Variants in NOS1AP observed in about 807,000 individuals in gnomAD.
NOS1AP encodes the protein nitric oxide synthase 1 adaptor protein, also known as carboxyl-terminal PDZ ligand of neuronal nitric oxide synthase protein.
Under a neutral mutation model 56.2 loss-of-function variants are expected in NOS1AP, and 21 were observed. The observed-to-expected ratio is 0.37, with a 90% CI of 0.26 to 0.54. NOS1AP has a LOEUF of 0.54. Ranked by LOEUF, NOS1AP falls within the 20% of genes least tolerant of loss-of-function variation. The probability of loss-of-function intolerance (pLI) is 0.84; values close to 1 mark genes in which losing one functional copy is unlikely to be tolerated. For missense variants in NOS1AP, 522 were observed against 657.8 expected (o/e 0.79, Z 2.26); for synonymous variants, 270 against 274.6 (o/e 0.98, Z 0.17).
Position 162,142,004 on chromosome 1 carries a change from G to A in NOS1AP, c.106-12401G>A, listed in dbSNP as rs540746074. Among the ~76,000 whole-genome samples, 567 of 152,194 alleles carry A rather than the reference G, an allele frequency of 3.7e-3. 12 individuals carry two copies. The highest frequency in any genetic ancestry group is 2.6e-3 in the Non-Finnish European group (174 of 68,016). ...TATCATTTGTCCATTCATTTGTTTG[G>A]TGGGCCAAGCTTTGTACTGGGCGCT... On this transcript the variant is annotated intron_variant, in intron 1 of 9. Coordinates refer to ENST00000361897, the MANE Select transcript of NOS1AP (RefSeq NM_014697.3).
At chr1:162,302,404 G>A (rs991650687) in intron 4 of NOS1AP, among the ~76,000 whole-genome samples, 12 of 152,162 alleles carry the variant, frequency 7.9e-5, no homozygotes, top group Non-Finnish European at 1.2e-4. Context: ...GATGAGAAAA[G>A]GCTTTAAGAA....
At chr1:162,146,040 C>T (rs191950318) in intron 1 of NOS1AP, among the ~76,000 whole-genome samples, 1 of 152,146 alleles carries the variant, frequency 6.6e-6, no homozygotes, top group Non-Finnish European at 1.5e-5. Context: ...ATGTTGTATC[C>T]TGTGTGCTGA....
intron 4 of NOS1AP, among the ~76,000 whole-genome samples, chr1:162,306,386 C>T (rs1442534347): frequency 1.3e-5 from 2 of 152,156 alleles, no homozygotes; most frequent in Non-Finnish European, 2.9e-5. Context: ...CAAAACAACT[C>T]CCTGGCACCT....
intron 4 of NOS1AP, among the ~76,000 whole-genome samples, chr1:162,312,724 G>A (rs536890895): frequency 7.9e-5 from 12 of 152,154 alleles, no homozygotes; most frequent in East Asian, 5.8e-4. Flanking sequence ...TAGGTCTAAC[G>A]TTTAAGATAA....
intron 3 of NOS1AP, among the ~76,000 whole-genome samples, chr1:162,300,169 C>A (rs530742447): frequency 2.6e-5 from 4 of 152,326 alleles, no homozygotes; most frequent in African/African-American, 4.8e-5. Context: ...AATGGCCCCC[C>A]ACACTGGGGT....
intron 2 of NOS1AP, among the ~76,000 whole-genome samples, chr1:162,216,739 A>G (rs754258149): frequency 3.3e-5 from 5 of 152,252 alleles, no homozygotes; most frequent in Non-Finnish European, 7.3e-5. Context: ...TAAGAATGTT[A>G]TAAGAACACT....
intron 1 of NOS1AP, among the ~76,000 whole-genome samples, chr1:162,128,099 A>G (rs1648569789): frequency 6.6e-6 from 1 of 152,148 alleles, no homozygotes; most frequent in Non-Finnish European, 1.5e-5. Context: ...ATTGCAGGGT[A>G]TTAAGGAAAT....
At chr1:162,092,820 T>G (rs1184791639) in intron 1 of NOS1AP, among the ~76,000 whole-genome samples, 1 of 152,180 alleles carries the variant, frequency 6.6e-6, no homozygotes, top group Non-Finnish European at 1.5e-5. Context: ...GATTTACTCC[T>G]CCTGCATTCA....
chr1:162,221,621 C>T (rs890624683), intron 2 of NOS1AP, among the ~76,000 whole-genome samples: 3 of 151,730 alleles, frequency 2.0e-5, no homozygotes, highest in African/African-American at 4.8e-5. Flanking sequence ...CTATAACTCA[C>T]TAGCTTTTTT....
chr1:162,311,875 T>G (rs1173279173), intron 4 of NOS1AP, among the ~76,000 whole-genome samples: 1 of 139,062 alleles, frequency 7.2e-6, no homozygotes. Flanking sequence ...GAATGATGAT[T>G]TCCAATTTCA....
chr1:162,346,443 A>G (rs903018703), intron 6 of NOS1AP, among the ~76,000 whole-genome samples: 3 of 130,362 alleles, frequency 2.3e-5, no homozygotes, highest in Non-Finnish European at 5.1e-5. Context: ...ATTGTGAATA[A>G]AGGAAAAAAA....
intron 2 of NOS1AP, among the ~76,000 whole-genome samples, chr1:162,268,759 T>C (rs1654499998): frequency 1.3e-5 from 2 of 152,020 alleles, no homozygotes; most frequent in South Asian, 4.1e-4. Context: ...ATTAAAAATA[T>C]ATTCAAACTA....
chr1:162,190,332 T>C (rs1651580248), intron 2 of NOS1AP, among the ~76,000 whole-genome samples: 1 of 146,798 alleles, frequency 6.8e-6, no homozygotes, highest in African/African-American at 2.6e-5. Context: ...TCAAGATTTC[T>C]TTCTTCTCTG....
At chr1:162,171,613 A>G (rs1650786050) in intron 2 of NOS1AP, among the ~76,000 whole-genome samples, 1 of 152,082 alleles carries the variant, frequency 6.6e-6, no homozygotes, top group Admixed American at 6.6e-5. Flanking sequence ...CCACCCCTGA[A>G]CTTGGAGCCT....
intron 6 of NOS1AP, among the ~76,000 whole-genome samples, chr1:162,354,553 C>G (rs1185903583): frequency 6.6e-6 from 1 of 152,182 alleles, no homozygotes; most frequent in Non-Finnish European, 1.5e-5. Flanking sequence ...AGCAGCCACC[C>G]CATCTCTCTC....
chr1:162,088,102 TA>T (rs1232715281), intron 1 of NOS1AP, among the ~76,000 whole-genome samples: 2 of 152,022 alleles, frequency 1.3e-5, no homozygotes, highest in Non-Finnish European at 2.9e-5. Flanking sequence ...AAAAAAGATT[TA>T]GTTATGATCT....
intron 2 of NOS1AP, among the ~76,000 whole-genome samples, chr1:162,201,847 A>G (rs1652002862): frequency 6.6e-6 from 1 of 152,216 alleles, no homozygotes; most frequent in Admixed American, 6.5e-5. Flanking sequence ...GATGCTGGAT[A>G]TTAGACCTGT....
In NOS1AP at chr1:162,071,550, G is replaced by A. The variant is rs1403539598; in HGVS notation, c.105+1268G>A. ...ATCCCAGCCATATTTGCTGGAGCTA[G>A]GAGAACTGCCCCGCTTAGTCCCCCG... On this transcript the variant is annotated intron_variant, in intron 1 of 9. Coordinates refer to ENST00000361897, the MANE Select transcript of NOS1AP (RefSeq NM_014697.3). 2.0e-5 allele frequency among the ~76,000 whole-genome samples: 3 copies of A among 152,242 alleles called. No homozygotes were observed. In the East Asian group the frequency reaches 5.8e-4, roughly 29 times the overall value.
chr1:162,347,458 A>G (rs758552554), intron 6 of NOS1AP, among the ~76,000 whole-genome samples: 22 of 152,224 alleles, frequency 1.4e-4, no homozygotes, highest in Non-Finnish European at 2.6e-4. Flanking sequence ...TTATCACAGA[A>G]CAACCATCGG....
Sources: gnomAD v4.1 joint callset for allele counts (sites outside exome capture counted in the v4.1 genomes callset) on GRCh38, gnomAD v4.1.1 for gene constraint, MANE v1.5 for transcripts, NCBI Gene and HGNC (gene_info 2026-07-23, HGNC 2026-07-21) for gene names.